Variants in CHMP2B observed in about 807,000 individuals in gnomAD.
CHMP2B encodes the protein charged multivesicular body protein 2B.
CHMP2B carries 22 observed loss-of-function variants against 29.8 expected under a neutral mutation model. The observed-to-expected ratio is 0.74, with a 90% CI of 0.53 to 1.05. The LOEUF is 1.05. Among genes scored for constraint, CHMP2B ranks in the 50% least tolerant of loss-of-function variants. The pLI is 0.00. For missense variants in CHMP2B, 261 were observed against 252.2 expected, an observed-to-expected ratio of 1.03 and a Z score of -0.24; for synonymous variants, 78 against 75.8, an observed-to-expected ratio of 1.03 and a Z score of -0.15.
chr3:87,238,672 A>T (rs1706059852), intron 1 of CHMP2B, among the ~76,000 whole-genome samples: 1 of 152,090 alleles, frequency 6.6e-6, no homozygotes, highest in Non-Finnish European at 1.5e-5. Context: ...CATTGTATTT[A>T]TATACCACCG....
At position 87,253,160 on chromosome 3, in the gene CHMP2B, T is replaced by A. The variant is rs576261401; in HGVS notation, c.425-244T>A. 47 of 387,226 alleles carry A rather than the reference T, an allele frequency of 1.2e-4. 1 individual carries two copies. The highest frequency in any genetic ancestry group is 6.0e-4 in the South Asian group (21 of 34,904). The allele number at this position is 387,226 out of a possible 1,614,324, so 24.0% of individuals were successfully genotyped here. A position where few individuals can be genotyped will look rare whatever the true frequency, so the allele number is the denominator to read the frequency against. ...TTTTTGTCTATTAGAATTAATTTTT[T>A]AAAAAAGAGTAGACTTGTTTGCTAT... is the stretch of plus-strand genomic sequence containing the variant. On this transcript the variant is annotated intron_variant, in intron 4 of 5. Transcript: ENST00000263780.
At chr3:87,242,209 T>C (rs985976279) in intron 2 of CHMP2B, among the ~76,000 whole-genome samples, 2 of 152,166 alleles carry the variant, frequency 1.3e-5, no homozygotes, top group Non-Finnish European at 2.9e-5. Context: ...AAGTATATGT[T>C]GTACAAATAT....
At chr3:87,244,011 TTTTTG>T (rs1452649588) in intron 2 of CHMP2B, among the ~76,000 whole-genome samples, 4 of 146,686 alleles carry the variant, frequency 2.7e-5, no homozygotes, top group Non-Finnish European at 6.1e-5. Flanking sequence ...TTTGTTTCTG[TTTTTG>T]TTTTTTGTTT....
At chr3:87,238,485 C>A (rs572797290) in intron 1 of CHMP2B, among the ~76,000 whole-genome samples, 1 of 152,272 alleles carries the variant, frequency 6.6e-6, no homozygotes, top group African/African-American at 2.4e-5. Flanking sequence ...TCCCCAACCC[C>A]TGCCATATAC....
At chr3:87,232,797 C>T (rs946670307) in intron 1 of CHMP2B, among the ~76,000 whole-genome samples, 2 of 152,112 alleles carry the variant, frequency 1.3e-5, no homozygotes, top group Non-Finnish European at 2.9e-5. Flanking sequence ...TTCTGAACTG[C>T]AGTTTTATTG....
intron 1 of CHMP2B, 29 bp downstream of exon 1, chr3:87,227,585 C>T: frequency 4.3e-6 from 7 of 1,614,002 alleles, no homozygotes; most frequent in Admixed American, 3.3e-5. Context: ...TGAAGGGGCC[C>T]AGCTCTGCGT....
At chr3:87,249,838 T>G in intron 3 of CHMP2B, 37 bp from the exon 4 acceptor site, 1 of 1,299,186 alleles carries the variant, frequency 7.7e-7, no homozygotes, top group Non-Finnish European at 1.1e-6. Flanking sequence ...TTTTCATAAT[T>G]ATGGAAGTAA....
chr3:87,245,204 T>C (rs1028137262), intron 2 of CHMP2B, among the ~76,000 whole-genome samples: 3 of 152,152 alleles, frequency 2.0e-5, no homozygotes, highest in African/African-American at 7.2e-5. Context: ...TACTTGAGTT[T>C]GTTTTTGTAT....
At position 87,234,854 on chromosome 3, in the gene CHMP2B, G is replaced by A. The variant is rs1705972039; in HGVS notation, c.35-5845G>A. On this transcript the variant is annotated intron_variant, in intron 1 of 5. Transcript: ENST00000263780. ...TCTTGCCTCACATTGAAAAATCGGG[G>A]AAGTAGAAAGTTATAAGGAAAACAG... Among the ~76,000 whole-genome samples, 4 of 152,160 alleles carry A rather than the reference G, an allele frequency of 2.6e-5. No homozygotes were observed. In the South Asian group the frequency reaches 8.3e-4, roughly 32 times the overall value.
At chr3:87,249,108 C>T (rs1319394082) in intron 3 of CHMP2B, among the ~76,000 whole-genome samples, 1 of 152,086 alleles carries the variant, frequency 6.6e-6, no homozygotes, top group African/African-American at 2.4e-5. Flanking sequence ...ATGGTATAGC[C>T]TGTTGGTCCT....
Position 87,254,970 on chromosome 3 carries a change from G to A in CHMP2B, c.*1148G>A, listed in dbSNP as rs547345289. 80 of 151,988 alleles carry A rather than the reference G, an allele frequency of 5.3e-4. No individual in the cohort carries two copies. The highest frequency in any genetic ancestry group is 1.9e-3 in the African/African-American group (79 of 41,502). The allele number at this position is 151,988 out of a possible 1,614,324, so 9.4% of individuals were successfully genotyped here. On this transcript the variant is annotated 3_prime_UTR_variant, in exon 6 of 6. Coordinates refer to ENST00000263780, the MANE Select transcript of CHMP2B (RefSeq NM_014043.4). ...TATTTTTTAAGGTGAAATTGCCTTG[G>A]TATCTAATGAATGTGTAGACAGGGA...
At position 87,249,855 on chromosome 3, in the gene CHMP2B, T is replaced by C; in HGVS notation, c.322-20T>C. The C allele has an allele frequency of 2.8e-6, 4 of 1,453,018 alleles. No homozygotes were observed. In the East Asian group the frequency reaches 6.9e-5, roughly 25 times the overall value. The allele number at this position is 1,453,018 out of a possible 1,614,324, so 90.0% of individuals were successfully genotyped here. Reference sequence around the variant, plus strand: ...TTCATAATTATGGAAGTAACATGAATCTTGTAAATACATTTAAAGACAATG... The same window carrying C: ...TTCATAATTATGGAAGTAACATGAACCTTGTAAATACATTTAAAGACAATG... On this transcript the variant is annotated intron_variant, in intron 3 of 5. Transcript: ENST00000263780.
intron 1 of CHMP2B, among the ~76,000 whole-genome samples, chr3:87,239,574 G>A (rs748965705): frequency 6.6e-6 from 1 of 152,228 alleles, no homozygotes; most frequent in Admixed American, 6.5e-5. Context: ...TAGTAAAGTA[G>A]TTAAGATCAC....
In CHMP2B at chr3:87,246,387, T is replaced by G. The variant is rs148095924; in HGVS notation, c.321+479T>G. ...CCTGATCTCAGATGATTCGCCTGCC[T>G]CAGCCTCCCAAATTGCTGGGATTAC... On this transcript the variant is annotated intron_variant, in intron 3 of 5. Coordinates refer to ENST00000263780, the MANE Select transcript of CHMP2B (RefSeq NM_014043.4). Among the ~76,000 whole-genome samples, 1,005 of 152,300 alleles carry G rather than the reference T, an allele frequency of 6.6e-3. 8 individuals carry two copies. Among genetic ancestry groups the G allele is most frequent in the Non-Finnish European group, 0.01 (687 of 68,032 alleles).
At chr3:87,230,305 A>G (rs1223852194) in intron 1 of CHMP2B, among the ~76,000 whole-genome samples, 2 of 152,178 alleles carry the variant, frequency 1.3e-5, no homozygotes, top group Non-Finnish European at 2.9e-5. Flanking sequence ...TGTGCATGCC[A>G]TGTCTTATTT....
At chr3:87,229,462 T>C (rs968710210) in intron 1 of CHMP2B, among the ~76,000 whole-genome samples, 1 of 152,124 alleles carries the variant, frequency 6.6e-6, no homozygotes, top group Non-Finnish European at 1.5e-5. Context: ...TCTTATATTA[T>C]TGTGTCAATT....
chr3:87,251,646 G>A (rs1706314253), intron 4 of CHMP2B, among the ~76,000 whole-genome samples: 1 of 151,692 alleles, frequency 6.6e-6, no homozygotes, highest in Admixed American at 6.6e-5. Context: ...TAAATTCAAG[G>A]TGTAAATCAG....
At chr3:87,234,968 A>G (rs1705974093) in intron 1 of CHMP2B, among the ~76,000 whole-genome samples, 1 of 135,348 alleles carries the variant, frequency 7.4e-6, no homozygotes, top group Non-Finnish European at 1.6e-5. Flanking sequence ...TTTTTTGACA[A>G]CTGATTTTGT....
chr3:87,229,845 G>T (rs1036769212), intron 1 of CHMP2B, among the ~76,000 whole-genome samples: 2 of 152,032 alleles, frequency 1.3e-5, no homozygotes, highest in African/African-American at 4.8e-5. Context: ...AAAGACTACT[G>T]CACATGTAAA....
Sources: gnomAD v4.1 joint callset for allele counts (sites outside exome capture counted in the v4.1 genomes callset) on GRCh38, gnomAD v4.1.1 for gene constraint, MANE v1.5 for transcripts, NCBI Gene and HGNC (gene_info 2026-07-23, HGNC 2026-07-21) for gene names.